Variants in CR1L observed in about 807,000 individuals in gnomAD.
CR1L encodes complement component receptor 1-like protein.
CR1L carries 59 observed loss-of-function variants against 62.3 expected under a neutral mutation model. The ratio of observed to expected loss-of-function variants is 0.95; its 90% CI spans 0.77 to 1.18. The LOEUF is 1.18. Among genes scored for constraint, CR1L ranks in the 50% most tolerant of loss-of-function variants. The pLI, the probability that CR1L is intolerant of heterozygous loss-of-function variation, is 0.00. For synonymous variants in CR1L, 279 were observed against 248.7 expected (o/e 1.12, Z -1.15); for missense variants, 700 against 702.8 (o/e 1.00, Z 0.04).
chr1:207,651,114 C>A (rs1177509473), intron 1 of CR1L, among the ~76,000 whole-genome samples: 1 of 152,110 alleles, frequency 6.6e-6, no homozygotes, highest in Non-Finnish European at 1.5e-5. Context: ...TACTAAAACT[C>A]ACCTGGAACT....
chr1:207,688,169 G>A (rs1174335020), intron 4 of CR1L, among the ~76,000 whole-genome samples: 1 of 152,208 alleles, frequency 6.6e-6, no homozygotes, highest in Non-Finnish European at 1.5e-5. Context: ...CCAGCTACTT[G>A]GGAGCCTGAG....
intron 11 of CR1L, among the ~76,000 whole-genome samples, chr1:207,722,545 G>T (rs2102486847): frequency 1.3e-5 from 2 of 151,312 alleles, no homozygotes; most frequent in South Asian, 4.2e-4. Flanking sequence ...CTGTTCCATT[G>T]ATCTATATCT....
At chr1:207,676,371 T>C (rs1663692297) in intron 1 of CR1L, among the ~76,000 whole-genome samples, 1 of 151,920 alleles carries the variant, frequency 6.6e-6, no homozygotes, top group South Asian at 2.1e-4. Context: ...CAGTAGGAGG[T>C]GAGCGGCCAA....
intron 1 of CR1L, among the ~76,000 whole-genome samples, chr1:207,672,099 C>G (rs1274702143): frequency 6.6e-6 from 1 of 150,546 alleles, no homozygotes; most frequent in African/African-American, 2.5e-5. Context: ...TCATCAGAGT[C>G]GATCAACAAA....
rs1386340065 is a variant in CR1L, at chr1:207,694,763, T to C, written c.862+12T>C. The C allele has an allele frequency of 1.2e-6, 2 of 1,611,850 alleles. No homozygotes were observed. The highest frequency in any genetic ancestry group is 2.2e-5 in the South Asian group (2 of 90,988). On this transcript the variant is annotated intron_variant, in intron 5 of 11. Coordinates refer to ENST00000508064, the MANE Select transcript of CR1L (RefSeq NM_175710.2). ...AAGCTGCTCCAGGGGTGAGTCTGAC[T>C]GAGGCCTAGAAGGGCCCTGCCAGTG...
intron 11 of CR1L, among the ~76,000 whole-genome samples, 190 bp from the exon 12 acceptor site, chr1:207,723,428 A>G (rs1337445401): frequency 6.6e-6 from 1 of 152,142 alleles, no homozygotes; most frequent in Non-Finnish European, 1.5e-5. Flanking sequence ...TGTCAAAAAA[A>G]AAAAAAAAAA....
At chr1:207,672,818 G>A (rs867602295) in intron 1 of CR1L, among the ~76,000 whole-genome samples, 15 of 152,152 alleles carry the variant, frequency 9.9e-5, no homozygotes, top group African/African-American at 2.7e-4. Context: ...TGCTTTCTGT[G>A]CTTTGTGATG....
chr1:207,657,279 G>T, intron 1 of CR1L: 1 of 1,526,842 alleles, frequency 6.5e-7, no homozygotes, highest in Non-Finnish European at 9.1e-7. Context: ...ATTTATTGTG[G>T]TGACAATTCA....
At chr1:207,671,844 C>A (rs1167019927) in intron 1 of CR1L, among the ~76,000 whole-genome samples, 1 of 150,738 alleles carries the variant, frequency 6.6e-6, no homozygotes. Flanking sequence ...TCTCTTGAAC[C>A]TGGGAGGCAG....
chr1:207,667,466 C>T (rs1663540663), intron 1 of CR1L, among the ~76,000 whole-genome samples: 1 of 152,270 alleles, frequency 6.6e-6, no homozygotes, highest in South Asian at 2.1e-4. Flanking sequence ...TATAAGGATC[C>T]CTGTGATCAT....
At chr1:207,649,086 C>T (rs1254072941) in intron 1 of CR1L, among the ~76,000 whole-genome samples, 1 of 152,090 alleles carries the variant, frequency 6.6e-6, no homozygotes, top group Non-Finnish European at 1.5e-5. Context: ...CTGAGAGATC[C>T]ATGCAGGGGA....
Position 207,669,008 on chromosome 1 carries a change from G to A in CR1L, c.98-8381G>A, listed in dbSNP as rs375434043. On this transcript the variant is annotated intron_variant, in intron 1 of 11. Coordinates refer to ENST00000508064, the MANE Select transcript of CR1L (RefSeq NM_175710.2). The stretch of plus-strand genomic sequence containing the variant: ...TCCCTGTGCACTGTACACATCGCCT[G>A]CAATTGCCCTTCAACACAGAGAGCA... The A allele has an allele frequency of 1.7e-4, 34 of 204,454 alleles. 3 individuals carry two copies. In the East Asian group the frequency reaches 1.8e-3, roughly 11 times the overall value. 12.7% of individuals were successfully genotyped at this position (204,454 alleles called of 1,614,324 possible).
chr1:207,661,858 C>T (rs1366739808), intron 1 of CR1L, among the ~76,000 whole-genome samples: 4 of 152,320 alleles, frequency 2.6e-5, no homozygotes, highest in Non-Finnish European at 4.4e-5. Flanking sequence ...CAAAATCTCT[C>T]AGCATTTGCT....
chr1:207,670,117 A>G (rs900178131), intron 1 of CR1L, among the ~76,000 whole-genome samples: 1 of 150,638 alleles, frequency 6.6e-6, no homozygotes, highest in Non-Finnish European at 1.5e-5. Flanking sequence ...CTATCCCCCA[A>G]CCGTTACCTC....
intron 3 of CR1L, among the ~76,000 whole-genome samples, chr1:207,683,313 T>A (rs12562739): frequency 0.061 from 9,204 of 151,988 alleles, 599 homozygotes; most frequent in East Asian, 0.36. Context: ...TTTAATAAAA[T>A]TTTTGTTGAG....
intron 8 of CR1L, among the ~76,000 whole-genome samples, chr1:207,701,167 G>A (rs1334767525): frequency 6.6e-6 from 1 of 152,204 alleles, no homozygotes; most frequent in East Asian, 1.9e-4. Flanking sequence ...AATAAAGATT[G>A]TGTAGGAAGA....
intron 10 of CR1L, among the ~76,000 whole-genome samples, chr1:207,716,933 A>C (rs144240331): frequency 6.6e-6 from 1 of 152,196 alleles, no homozygotes; most frequent in East Asian, 1.9e-4. Context: ...TAATCTGTGT[A>C]AAAAGAGCCT....
intron 3 of CR1L, among the ~76,000 whole-genome samples, chr1:207,681,212 C>A (rs1663790097): frequency 6.6e-6 from 1 of 152,142 alleles, no homozygotes; most frequent in African/African-American, 2.4e-5. Context: ...CCTCTTCGGG[C>A]CCTGGGGAGG....
intron 1 of CR1L, among the ~76,000 whole-genome samples, chr1:207,655,670 T>C (rs1663296423): frequency 6.6e-6 from 1 of 152,168 alleles, no homozygotes; most frequent in African/African-American, 2.4e-5. Flanking sequence ...ACTCCCGTGC[T>C]CAAGCAATCT....
Sources: gnomAD v4.1 joint callset for allele counts (sites outside exome capture counted in the v4.1 genomes callset) on GRCh38, gnomAD v4.1.1 for gene constraint, MANE v1.5 for transcripts, NCBI Gene and HGNC (gene_info 2026-07-23, HGNC 2026-07-21) for gene names.